Variants in BCAS3 observed in about 807,000 individuals in gnomAD.
BCAS3 encodes the protein BCAS4/BCAS3 fusion.
BCAS3 carries 53 observed loss-of-function variants against 116.1 expected under a neutral mutation model. That is an observed-to-expected ratio of 0.46 (90% confidence interval 0.37 to 0.57). The LOEUF is 0.57. Among genes scored for constraint, BCAS3 ranks in the 20% least tolerant of loss-of-function variants. The pLI is 0.00. For synonymous variants in BCAS3, 391 were observed against 408.2 expected (o/e 0.96, Z 0.51); for missense variants, 917 against 1,165.4 (o/e 0.79, Z 3.10).
Position 61,347,843 on chromosome 17 carries a change from G to A in BCAS3, c.2426-20484G>A, listed in dbSNP as rs982806210. Among the ~76,000 whole-genome samples, 5 of 152,194 alleles carry A rather than the reference G, an allele frequency of 3.3e-5. No individual in the cohort carries two copies. The highest frequency in any genetic ancestry group is 4.4e-5 in the Non-Finnish European group (3 of 68,038). ...GGACTTCACCAGGGAAGGCATTCCA[G>A]GCAGAGGGAGCAGCAGATGCACAGA... On this transcript the variant is annotated intron_variant, in intron 22 of 23. Transcript: ENST00000407086. This position sits in a 1 kb window ranked among gnomAD's most constrained non-coding sequence, Gnocchi z 4.3.
chr17:60,809,688 C>T (rs978437798), intron 7 of BCAS3, among the ~76,000 whole-genome samples: 3 of 152,162 alleles, frequency 2.0e-5, no homozygotes, highest in African/African-American at 2.4e-5. Context: ...TTGGCTCTTT[C>T]AGCCTAAGAT....
intron 14 of BCAS3, among the ~76,000 whole-genome samples, chr17:60,955,069 G>T (rs1000522663): frequency 1.3e-5 from 2 of 151,938 alleles, no homozygotes; most frequent in Non-Finnish European, 2.9e-5. Context: ...TTGACTGGTT[G>T]TCTACTTGTT....
intron 7 of BCAS3, among the ~76,000 whole-genome samples, chr17:60,848,037 T>A (rs777062629): frequency 6.6e-6 from 1 of 152,214 alleles, no homozygotes; most frequent in Non-Finnish European, 1.5e-5. Flanking sequence ...AATATCTACT[T>A]GTCCCAACAT....
intron 22 of BCAS3, among the ~76,000 whole-genome samples, chr17:61,178,302 A>T (rs2079262966): frequency 6.6e-6 from 1 of 152,148 alleles, no homozygotes; most frequent in Admixed American, 6.6e-5. Flanking sequence ...ATGTAGTTAG[A>T]TAAAGATCTG....
intron 5 of BCAS3, among the ~76,000 whole-genome samples, chr17:60,726,095 A>G (rs1023695337): frequency 7.3e-5 from 11 of 150,026 alleles, no homozygotes; most frequent in African/African-American, 2.7e-4. Context: ...GGGTTTCTCC[A>G]TGTTGGTCAG....
At chr17:61,142,268 T>G (rs1298033498) in intron 22 of BCAS3, among the ~76,000 whole-genome samples, 1 of 152,214 alleles carries the variant, frequency 6.6e-6, no homozygotes, top group African/African-American at 2.4e-5. Context: ...CAGAGCCAAA[T>G]TTAAACCCAG....
At chr17:60,891,852 C>A in intron 10 of BCAS3, 1 of 389,972 alleles carries the variant, frequency 2.6e-6, no homozygotes, top group Non-Finnish European at 5.2e-6. Flanking sequence ...TTTTCATCAT[C>A]ATGTGTACCC....
chr17:60,945,901 A>G (rs1208745685), intron 13 of BCAS3, among the ~76,000 whole-genome samples: 1 of 151,942 alleles, frequency 6.6e-6, no homozygotes, highest in Non-Finnish European at 1.5e-5. Flanking sequence ...CCGGCGGATC[A>G]TGAGGTCAGG....
intron 6 of BCAS3, among the ~76,000 whole-genome samples, chr17:60,782,501 A>G (rs1006471057): frequency 6.6e-5 from 10 of 151,690 alleles, no homozygotes; most frequent in Admixed American, 2.0e-4. Flanking sequence ...TCTATTTTCT[A>G]TGTTACTTCT....
intron 19 of BCAS3, among the ~76,000 whole-genome samples, chr17:61,042,761 A>G (rs1004513564): frequency 6.6e-6 from 1 of 151,096 alleles, no homozygotes; most frequent in African/African-American, 2.4e-5. Flanking sequence ...GTGGTGGTGC[A>G]TGCCTGTAAT....
intron 5 of BCAS3, among the ~76,000 whole-genome samples, chr17:60,733,700 A>T (rs2040689849): frequency 1.3e-5 from 2 of 152,048 alleles, no homozygotes. Context: ...TTAAAAAGTT[A>T]GCTGGGCATG....
intron 7 of BCAS3, chr17:60,811,221 C>G (rs1253182586): frequency 8.9e-6 from 7 of 783,126 alleles, no homozygotes; most frequent in Non-Finnish European, 1.3e-5. Flanking sequence ...AGAGCTGGCA[C>G]AGACCCTGCA....
rs190336525 is a variant in BCAS3 at position 60,973,119 on chromosome 17, A to T, written c.1222-16852A>T. Among the ~76,000 whole-genome samples, 671 of 152,278 alleles carry T rather than the reference A, an allele frequency of 4.4e-3. 8 individuals carry two copies. Among genetic ancestry groups the T allele is most frequent in the South Asian group, 0.023 (109 of 4,820 alleles). On this transcript the variant is annotated intron_variant, in intron 14 of 23. Transcript: ENST00000407086. ...TGTTTATTTTTTATCACGTTATAAAATGTTTGCTGCTGGTCTTGGCTGAAT... is the reference window on the plus strand; with the variant it reads ...TGTTTATTTTTTATCACGTTATAAATTGTTTGCTGCTGGTCTTGGCTGAAT...
In BCAS3 at chr17:61,337,399, A is replaced by G. The variant is rs937090912; in HGVS notation, c.2426-30928A>G. Among the ~76,000 whole-genome samples, 1 of 152,194 alleles carries G rather than the reference A, an allele frequency of 6.6e-6. No homozygotes were observed. Among genetic ancestry groups the G allele is most frequent in the Non-Finnish European group, 1.5e-5 (1 of 68,038 alleles). On this transcript the variant is annotated intron_variant, in intron 22 of 23. Transcript: ENST00000407086. This position sits in a 1 kb window ranked among gnomAD's most constrained non-coding sequence, Gnocchi z 4.8. ...CATTAGCTGGGGGCCTCACCTCAGGAAGCAATTTAAGGCCCAAGAGAGGTG... is the reference window on the plus strand; with the variant it reads ...CATTAGCTGGGGGCCTCACCTCAGGGAGCAATTTAAGGCCCAAGAGAGGTG...
intron 22 of BCAS3, among the ~76,000 whole-genome samples, chr17:61,187,914 C>T (rs945095717): frequency 6.6e-6 from 1 of 152,058 alleles, no homozygotes; most frequent in Non-Finnish European, 1.5e-5. Flanking sequence ...AGAATTTCTC[C>T]TTTCCAATCT....
In BCAS3 at chr17:61,228,057, C is replaced by T. The variant is rs998118386; in HGVS notation, c.2426-140270C>T. Among the ~76,000 whole-genome samples the T allele has an allele frequency of 1.3e-5, 2 of 152,100 alleles. No individual in the cohort carries two copies. The highest frequency in any genetic ancestry group is 2.4e-5 in the African/African-American group (1 of 41,402). ...TTGCATCTGGTTTTCCTAAGAAGGC[C>T]CCTTCCTTTACACACATTCCTGCAT... is the stretch of plus-strand genomic sequence containing the variant. On this transcript the variant is annotated intron_variant, in intron 22 of 23. Transcript: ENST00000407086. This position sits in a 1 kb window ranked among gnomAD's most constrained non-coding sequence, Gnocchi z 5.0.
At chr17:61,092,763 T>C (rs1346819521) in intron 22 of BCAS3, among the ~76,000 whole-genome samples, 2 of 152,202 alleles carry the variant, frequency 1.3e-5, no homozygotes, top group Admixed American at 6.5e-5. Flanking sequence ...TTGTGAGATA[T>C]GTGCATTGCA....
At chr17:60,763,883 C>T (rs572581437) in intron 6 of BCAS3, among the ~76,000 whole-genome samples, 3 of 152,142 alleles carry the variant, frequency 2.0e-5, no homozygotes, top group East Asian at 1.9e-4. Context: ...AGCCTGTTAT[C>T]GGTCTATTCA....
intron 14 of BCAS3, among the ~76,000 whole-genome samples, chr17:60,948,810 T>G (rs898449581): frequency 1.3e-5 from 2 of 152,228 alleles, no homozygotes. Context: ...TACCCCACTT[T>G]TCTTGTTATC....
Sources: gnomAD v4.1 joint callset for allele counts (sites outside exome capture counted in the v4.1 genomes callset) on GRCh38, gnomAD v4.1.1 for gene constraint, Gnocchi (gnomAD v3.1) non-coding constraint, MANE v1.5 for transcripts, NCBI Gene and HGNC (gene_info 2026-07-23, HGNC 2026-07-21) for gene names.